Variants in FLRT2 observed in about 807,000 individuals in gnomAD.
FLRT2 encodes the protein fibronectin leucine rich transmembrane protein 2.
FLRT2 carries 15 observed loss-of-function variants against 40.0 expected under a neutral mutation model. The ratio of observed to expected loss-of-function variants is 0.38; its 90% CI spans 0.25 to 0.58. The LOEUF (loss-of-function observed/expected upper bound fraction) is 0.58, where lower values mean the gene tolerates loss of function less well. Ranked by LOEUF, FLRT2 falls within the 20% of genes least tolerant of loss-of-function variation. The pLI is 0.71. For missense variants in FLRT2, 726 were observed against 840.0 expected (o/e 0.86, Z 1.68); for synonymous variants, 380 against 336.8 (o/e 1.13, Z -1.41).
chr14:85,571,497 CT>C (rs1381843257), intron 1 of FLRT2, among the ~76,000 whole-genome samples: 2 of 152,142 alleles, frequency 1.3e-5, no homozygotes, highest in Non-Finnish European at 2.9e-5. Context: ...CTGCTGTTCC[CT>C]TCGATTGACA....
intron 1 of FLRT2, among the ~76,000 whole-genome samples, chr14:85,584,364 G>T (rs976759343): frequency 8.5e-5 from 13 of 152,158 alleles, no homozygotes; most frequent in African/African-American, 3.1e-4. Context: ...ATGCTGAAAG[G>T]TATAAAGAGA....
intron 1 of FLRT2, among the ~76,000 whole-genome samples, chr14:85,566,654 T>C (rs1890636475): frequency 6.6e-6 from 1 of 151,286 alleles, no homozygotes; most frequent in Admixed American, 6.6e-5. Context: ...CAGTAGTTGA[T>C]CCAAATACAT....
chr14:85,573,342 T>A (rs559142422), intron 1 of FLRT2, among the ~76,000 whole-genome samples: 113 of 151,930 alleles, frequency 7.4e-4, no homozygotes, highest in African/African-American at 2.6e-3. Flanking sequence ...TACACACACA[T>A]CTTTGGGAGC....
intron 1 of FLRT2, among the ~76,000 whole-genome samples, chr14:85,604,573 A>G (rs1210394431): frequency 2.0e-5 from 3 of 152,008 alleles, no homozygotes; most frequent in Non-Finnish European, 4.4e-5. Flanking sequence ...AAATTGAGAG[A>G]GAGTTGGAAA....
chr14:85,598,659 C>A (rs1892243958), intron 1 of FLRT2, among the ~76,000 whole-genome samples: 2 of 152,142 alleles, frequency 1.3e-5, no homozygotes, highest in South Asian at 2.1e-4. Context: ...GATTTTCGAG[C>A]TGAAGGAAAC....
At chr14:85,582,815 G>A (rs1368631142) in intron 1 of FLRT2, among the ~76,000 whole-genome samples, 1 of 151,792 alleles carries the variant, frequency 6.6e-6, no homozygotes, top group African/African-American at 2.4e-5. Context: ...TTTGAGTGTT[G>A]TTAAGTAGCG....
Position 85,649,533 on chromosome 14 carries a change from T to G in FLRT2, c.*26036T>G, listed in dbSNP as rs1894385073. The stretch of plus-strand genomic sequence containing the variant: ...AGCACACAATATATTGGATTAAGTT[T>G]TTGAATGATGTGCAAAGATGATGCC... On this transcript the variant is annotated 3_prime_UTR_variant, in exon 2 of 2. Transcript: ENST00000330753. 6.6e-6 allele frequency: 1 copy of G among 152,084 alleles called. No homozygotes were observed. The highest frequency in any genetic ancestry group is 1.5e-5 in the Non-Finnish European group (1 of 67,974). 9.4% of individuals were successfully genotyped at this position (152,084 alleles called of 1,614,324 possible).
chr14:85,618,362 G>A (rs1893226876), intron 1 of FLRT2, among the ~76,000 whole-genome samples: 2 of 152,286 alleles, frequency 1.3e-5, no homozygotes, highest in South Asian at 2.1e-4. Context: ...GAAGATGCCA[G>A]TAGAATACTT....
intron 1 of FLRT2, among the ~76,000 whole-genome samples, chr14:85,573,566 G>A (rs1184735890): frequency 1.3e-5 from 2 of 152,174 alleles, no homozygotes; most frequent in East Asian, 1.9e-4. Context: ...CTGGAAAAAT[G>A]TCTCAGCTCC....
chr14:85,569,136 G>C (rs1242633760), intron 1 of FLRT2, among the ~76,000 whole-genome samples: 1 of 152,136 alleles, frequency 6.6e-6, no homozygotes, highest in Non-Finnish European at 1.5e-5. Flanking sequence ...GGCTCTTTGG[G>C]GACAAAGGAG....
chr14:85,626,437 G>A lies in FLRT2; in HGVS notation c.*2940G>A, dbSNP rs2139378744. 2 of 167,176 alleles carry A rather than the reference G, an allele frequency of 1.2e-5. No homozygotes were observed. The highest frequency in any genetic ancestry group is 2.9e-5 in the Non-Finnish European group (2 of 68,106). 10.4% of individuals were successfully genotyped at this position (167,176 alleles called of 1,614,324 possible). ...AGCTTGATGCTGCCTGGCCAAATGA[G>A]GTGACTCAGATAGAATCTGATCCCA... On this transcript the variant is annotated 3_prime_UTR_variant, in exon 2 of 2. Transcript: ENST00000330753.
At position 85,649,338 on chromosome 14, in the gene FLRT2, C is replaced by T. The variant is rs1012529771; in HGVS notation, c.*25841C>T. On this transcript the variant is annotated 3_prime_UTR_variant, in exon 2 of 2. Transcript: ENST00000330753. Reference sequence around the variant, plus strand: ...AAGCAGATAAAATATGTTGCAGATGCTGTAACTCTTATTTGCATCCATTGG... The same window carrying T: ...AAGCAGATAAAATATGTTGCAGATGTTGTAACTCTTATTTGCATCCATTGG... 1.3e-5 allele frequency: 2 copies of T among 152,180 alleles called. No homozygotes were observed. Among genetic ancestry groups the T allele is most frequent in the Admixed American group, 1.3e-4 (2 of 15,270 alleles). 9.4% of individuals were successfully genotyped at this position (152,180 alleles called of 1,614,324 possible). A position where few individuals can be genotyped will look rare whatever the true frequency, so the allele number is the denominator to read the frequency against.
chr14:85,617,735 C>A (rs1050788962), intron 1 of FLRT2, among the ~76,000 whole-genome samples: 2 of 152,110 alleles, frequency 1.3e-5, no homozygotes, highest in African/African-American at 4.8e-5. Context: ...GCTGTTGATA[C>A]ACGGAACAGA....
At chr14:85,532,440 T>C (rs1350877407) in intron 1 of FLRT2, among the ~76,000 whole-genome samples, 4 of 152,224 alleles carry the variant, frequency 2.6e-5, no homozygotes, top group Admixed American at 1.3e-4. Context: ...CCTAGCTTTT[T>C]TTACTTGTTT....
chr14:85,622,498 C>G lies in FLRT2; in HGVS notation c.984C>G (p.Ile328Met). The change falls in exon 2 of 2, where the codon ATC (isoleucine) becomes ATG (methionine). Residue 328 changes from isoleucine (I) to methionine (M), a missense_variant. By Grantham distance (10) the Ile-to-Met change is conservative. Around this residue, in one of 3 missense-constraint regions of FLRT2, gnomAD observed 611 missense variants for 690.0 expected, o/e 0.89. Transcript: ENST00000330753. ...IKWVTEWLKY[I>M]PSSLNVRGFM... ...GGGTCACAGAATGGCTCAAATATAT[C>G]CCTTCATCTCTCAACGTGCGGGGTT... 6.2e-7 allele frequency: 1 copy of G among 1,613,992 alleles called. No individual in the cohort carries two copies. The highest frequency in any genetic ancestry group is 8.5e-7 in the Non-Finnish European group (1 of 1,180,012).
intron 1 of FLRT2, among the ~76,000 whole-genome samples, chr14:85,587,437 T>G (rs79194550): frequency 6.6e-6 from 1 of 152,184 alleles, no homozygotes; most frequent in African/African-American, 2.4e-5. Flanking sequence ...GTTTTGTTTG[T>G]GCATTTGATG....
Position 85,622,764 on chromosome 14 carries a change from T to A in FLRT2, c.1250T>A (p.Val417Glu), listed in dbSNP as rs766112889. ...TIPDWDGRER[V>E]TPPISERIQL... ...CCTGACTGGGATGGCAGAGAAAGAG[T>A]GACCCCACCTATTTCTGAACGGATC... is the stretch of plus-strand genomic sequence containing the variant. Residue 417 changes from valine (V) to glutamate (E), a missense_variant, in exon 2 of 2, where the codon GTG becomes GAG. Val to Glu is a moderately radical substitution (Grantham distance 121, BLOSUM62 -2). Coordinates refer to ENST00000330753, the MANE Select transcript of FLRT2 (RefSeq NM_013231.6). The A allele has an allele frequency of 6.8e-6, 11 of 1,613,802 alleles. No homozygotes were observed. The African/African-American group carries it at 1.3e-4, about 20-fold the overall frequency.
chr14:85,601,242 G>A (rs188900227), intron 1 of FLRT2, among the ~76,000 whole-genome samples: 5 of 152,316 alleles, frequency 3.3e-5, no homozygotes, highest in Non-Finnish European at 7.3e-5. Flanking sequence ...CTGGGCAGGC[G>A]GTAAACTATG....
intron 1 of FLRT2, among the ~76,000 whole-genome samples, chr14:85,568,843 A>C (rs1224194660): frequency 6.6e-6 from 1 of 152,188 alleles, no homozygotes; most frequent in Non-Finnish European, 1.5e-5. Context: ...TTCAGAAGTT[A>C]ACATATGTGG....
Sources: gnomAD v4.1 joint callset for allele counts (sites outside exome capture counted in the v4.1 genomes callset) on GRCh38, gnomAD v4.1.1 for gene constraint, gnomAD v4.1.1 regional missense constraint, MANE v1.5 for transcripts, NCBI Gene and HGNC (gene_info 2026-07-23, HGNC 2026-07-21) for gene names.